The following GPR63 variants were observed in gnomAD, a reference collection of about 807,000 sequenced individuals.
GPR63 encodes the protein G protein-coupled receptor 63, also known as probable G protein-coupled receptor 63.
GPR63 carries 12 observed loss-of-function variants against 23.1 expected under a neutral mutation model. That is an observed-to-expected ratio of 0.52 (90% confidence interval 0.33 to 0.84). The LOEUF (loss-of-function observed/expected upper bound fraction) is 0.84. Among genes scored for constraint, GPR63 ranks in the 40% least tolerant of loss-of-function variants. The pLI, the probability that GPR63 is intolerant of heterozygous loss-of-function variation, is 0.02. For missense variants in GPR63, 472 were observed against 515.6 expected (o/e 0.92, Z 0.82); for synonymous variants, 172 against 191.1 (o/e 0.90, Z 0.82).
chr6:96,833,116 T>G (rs1774633280), intron 1 of GPR63, among the ~76,000 whole-genome samples: 1 of 152,196 alleles, frequency 6.6e-6, no homozygotes, highest in African/African-American at 2.4e-5. Flanking sequence ...GTAGGAAGAC[T>G]GTGTGCTTCA....
rs1287323354 is a variant in GPR63, at chr6:96,828,044, C to A, written c.-151+9224G>T. 2.6e-5 allele frequency among the ~76,000 whole-genome samples: 4 copies of A among 152,154 alleles called. No individual in the cohort carries two copies. In the East Asian group the frequency reaches 5.8e-4, roughly 22 times the overall value. On this transcript the variant is annotated intron_variant, in intron 1 of 1. Coordinates refer to ENST00000229955, the MANE Select transcript of GPR63 (RefSeq NM_030784.4). The stretch of plus-strand genomic sequence containing the variant: ...AACAGGCTAGAACTAAAATACTCAA[C>A]AACAATGACATGCAAGTTGGAGGAA...
chr6:96,831,600 T>C (rs927852089), intron 1 of GPR63, among the ~76,000 whole-genome samples: 1 of 152,114 alleles, frequency 6.6e-6, no homozygotes, highest in Non-Finnish European at 1.5e-5. Context: ...GGAATAACCA[T>C]AGGTATGTAT....
chr6:96,831,683 G>C (rs1018772109), intron 1 of GPR63, among the ~76,000 whole-genome samples: 17 of 152,032 alleles, frequency 1.1e-4, no homozygotes, highest in African/African-American at 3.9e-4. Context: ...GAGGTAGGCA[G>C]ATCACTAGAG....
At chr6:96,801,375 T>A (rs545870203) in intron 1 of GPR63, among the ~76,000 whole-genome samples, 1 of 152,208 alleles carries the variant, frequency 6.6e-6, no homozygotes, top group African/African-American at 2.4e-5. Flanking sequence ...AATTTTGTAT[T>A]TTTAGTAGAG....
chr6:96,798,285 A>G lies in GPR63; in HGVS notation c.*187T>C. On this transcript the variant is annotated 3_prime_UTR_variant, in exon 2 of 2. Coordinates refer to ENST00000229955, the MANE Select transcript of GPR63 (RefSeq NM_030784.4). The stretch of plus-strand genomic sequence containing the variant: ...ATTTCTATTGAACCCTGGAGGTAAT[A>G]TTTGTAATCACTTTCCTATTATTTA... 1.6e-6 allele frequency: 1 copy of G among 610,872 alleles called. No homozygotes were observed. The highest frequency in any genetic ancestry group is 3.1e-5 in the South Asian group (1 of 32,506). 37.8% of individuals were successfully genotyped at this position (610,872 alleles called of 1,614,324 possible).
intron 1 of GPR63, among the ~76,000 whole-genome samples, chr6:96,822,724 C>T (rs1338584838): frequency 6.6e-6 from 1 of 152,174 alleles, no homozygotes; most frequent in Admixed American, 6.5e-5. Context: ...GATATATCTC[C>T]TGATCTTATG....
intron 1 of GPR63, among the ~76,000 whole-genome samples, chr6:96,812,508 C>T (rs930470457): frequency 3.9e-5 from 6 of 152,132 alleles, no homozygotes; most frequent in Non-Finnish European, 8.8e-5. Flanking sequence ...ACAATCAAAA[C>T]TGAAACTCAA....
intron 1 of GPR63, among the ~76,000 whole-genome samples, chr6:96,831,475 T>A: frequency 6.6e-6 from 1 of 150,468 alleles, no homozygotes; most frequent in African/African-American, 2.4e-5. Context: ...GGGAAGACAA[T>A]GATTAGCTCT....
chr6:96,801,683 A>T (rs778275692), intron 1 of GPR63, among the ~76,000 whole-genome samples: 2 of 152,226 alleles, frequency 1.3e-5, no homozygotes, highest in Non-Finnish European at 2.9e-5. Flanking sequence ...TAAAAAGAAG[A>T]ATCCTGATCT....
intron 1 of GPR63, among the ~76,000 whole-genome samples, chr6:96,818,593 GTATT>G (rs1236311092): frequency 1.3e-5 from 2 of 152,172 alleles, no homozygotes; most frequent in African/African-American, 4.8e-5. Context: ...TTTTTGAAGA[GTATT>G]TAATGACACA....
In GPR63 at chr6:96,798,233, A is replaced by T; in HGVS notation, c.*239T>A. The T allele has an allele frequency of 2.3e-6, 1 of 435,274 alleles. No homozygotes were observed. The highest frequency in any genetic ancestry group is 4.0e-6 in the Non-Finnish European group (1 of 251,046). 27.0% of individuals were successfully genotyped at this position (435,274 alleles called of 1,614,324 possible). A position where few individuals can be genotyped will look rare whatever the true frequency, so the allele number is the denominator to read the frequency against. On this transcript the variant is annotated 3_prime_UTR_variant, in exon 2 of 2. Coordinates refer to ENST00000229955, the MANE Select transcript of GPR63 (RefSeq NM_030784.4). ...ATCAAGGAAAAACCCCAAAACCAAA[A>T]AAAAGTCTCCTCACCCTAAATTGAG... is the stretch of plus-strand genomic sequence containing the variant.
intron 1 of GPR63, among the ~76,000 whole-genome samples, chr6:96,825,911 A>C (rs1308036236): frequency 6.6e-6 from 1 of 152,038 alleles, no homozygotes; most frequent in Non-Finnish European, 1.5e-5. Context: ...TCTAGTAACT[A>C]ACTGTTCATC....
intron 1 of GPR63, among the ~76,000 whole-genome samples, chr6:96,807,776 A>G (rs569784069): frequency 6.6e-6 from 1 of 152,350 alleles, no homozygotes; most frequent in Admixed American, 6.5e-5. Context: ...ATAACCTTTT[A>G]TCTCCTGAGT....
chr6:96,799,195 C>A lies in GPR63; in HGVS notation c.537G>T (p.Arg179Ser), dbSNP rs756700555. 5.6e-6 allele frequency: 9 copies of A among 1,614,006 alleles called. No homozygotes were observed. The highest frequency in any genetic ancestry group is 3.3e-5 in the South Asian group (3 of 91,086). Residue 179 changes from arginine to serine, a missense_variant, in exon 2 of 2, where the codon AGG (arginine) becomes AGT (serine). Coordinates refer to ENST00000229955, the MANE Select transcript of GPR63 (RefSeq NM_030784.4). ...CCTGCCTCTGGACTATAATAAGGAA[C>A]CTATCTATGCTAATGATGAGCAGGA... ...VAILLIISID[R>S]FLIIVQRQDK...
At position 96,798,410 on chromosome 6, in the gene GPR63, GAAAGAGAATTCAATGTCAAT is replaced by G. The variant is rs1164121590; in HGVS notation, c.*42_*61del. ...AAAAAATAAAGTGGAGAGGCTATGA[GAAAGAGAATTCAATGTCAAT>G]AAAGAACAAGCATCACCCAAAATGT... is the stretch of plus-strand genomic sequence containing the variant. On this transcript the variant is annotated 3_prime_UTR_variant, in exon 2 of 2. Coordinates refer to ENST00000229955, the MANE Select transcript of GPR63 (RefSeq NM_030784.4). The G allele has an allele frequency of 6.5e-7, 1 of 1,542,266 alleles. No individual in the cohort carries two copies. Among genetic ancestry groups the G allele is most frequent in the African/African-American group, 1.4e-5 (1 of 72,734 alleles).
intron 1 of GPR63, among the ~76,000 whole-genome samples, chr6:96,801,302 C>T (rs888394997): frequency 4.6e-5 from 7 of 151,344 alleles, no homozygotes; most frequent in Admixed American, 1.3e-4. Context: ...TGGGTTCAAG[C>T]GGTTCTCCTA....
Position 96,810,830 on chromosome 6 carries a change from CA to C in GPR63, c.-150-10950del, listed in dbSNP as rs200286144. ...AAATATTATTTTCCCCATACACTTACAGTTTTGTATAATTTTTTTCCACATT... is the reference window on the plus strand; with the variant it reads ...AAATATTATTTTCCCCATACACTTACGTTTTGTATAATTTTTTTCCACATT... On this transcript the variant is annotated intron_variant, in intron 1 of 1. Transcript: ENST00000229955. 4.2e-3 allele frequency among the ~76,000 whole-genome samples: 642 copies of C among 152,210 alleles called. 6 individuals are homozygous for C. The highest frequency in any genetic ancestry group is 0.031 in the East Asian group (162 of 5,178).
chr6:96,828,158 G>T (rs1387422217), intron 1 of GPR63, among the ~76,000 whole-genome samples: 2 of 152,148 alleles, frequency 1.3e-5, no homozygotes, highest in East Asian at 1.9e-4. Flanking sequence ...TCACAGTTCT[G>T]GGGGCTAGAA....
chr6:96,809,264 C>G (rs1389206605), intron 1 of GPR63, among the ~76,000 whole-genome samples: 1 of 152,078 alleles, frequency 6.6e-6, no homozygotes, highest in Admixed American at 6.6e-5. Context: ...TTTGCCTCCC[C>G]AGTTAGGCCT....
Sources: allele counts gnomAD v4.1 joint callset (sites outside exome capture counted in the v4.1 genomes callset), GRCh38; gene constraint gnomAD v4.1.1; transcripts MANE v1.5; gene names NCBI Gene and HGNC (gene_info 2026-07-23, HGNC 2026-07-21).